Variants in DLC1 observed in about 807,000 individuals in gnomAD.
DLC1 encodes DLC1 Rho GTPase activating protein.
In DLC1, 54 loss-of-function variants were observed where a neutral mutation model predicts 140.3. That is an observed-to-expected ratio of 0.38 (90% CI 0.31 to 0.48). The LOEUF is 0.48. DLC1 is among the 20% of genes least tolerant of loss of function. DLC1 has a pLI of 0.96. For missense variants in DLC1, 2,536 were observed against 1,907.0 expected, an observed-to-expected ratio of 1.33 and a Z score of -6.14; for synonymous variants, 986 against 728.1, an observed-to-expected ratio of 1.35 and a Z score of -5.70.
intron 1 of DLC1, among the ~76,000 whole-genome samples, chr8:13,596,291 G>A (rs71522358): frequency 0.011 from 1,624 of 152,036 alleles, 9 homozygotes; most frequent in Non-Finnish European, 0.016. Flanking sequence ...GAATTAATAG[G>A]TTGGCGAGGT....
chr8:13,537,325 T>C (rs1320103314), intron 1 of DLC1, among the ~76,000 whole-genome samples: 2 of 152,216 alleles, frequency 1.3e-5, no homozygotes, highest in Non-Finnish European at 2.9e-5. Context: ...ACGTGGGACA[T>C]TGCATGTTTG....
intron 5 of DLC1, among the ~76,000 whole-genome samples, chr8:13,264,103 C>T (rs1017436120): frequency 2.5e-5 from 3 of 119,184 alleles, no homozygotes; most frequent in African/African-American, 1.0e-4. Flanking sequence ...GAGTCTTGCT[C>T]TGTCACCCAG....
intron 2 of DLC1, among the ~76,000 whole-genome samples, chr8:13,471,667 G>A (rs1266100892): frequency 6.6e-6 from 1 of 151,908 alleles, no homozygotes; most frequent in Non-Finnish European, 1.5e-5. Context: ...ACCCACGCTT[G>A]TACCCCTGAA....
intron 1 of DLC1, among the ~76,000 whole-genome samples, chr8:13,538,993 T>C (rs1377878448): frequency 1.3e-5 from 2 of 152,236 alleles, no homozygotes; most frequent in African/African-American, 4.8e-5. Context: ...CCTGTCATCA[T>C]TTTTCTATTT....
At chr8:13,170,098 G>A (rs988200328) in intron 5 of DLC1, among the ~76,000 whole-genome samples, 1 of 152,152 alleles carries the variant, frequency 6.6e-6, no homozygotes, top group African/African-American at 2.4e-5. Flanking sequence ...TGTGATTTAT[G>A]AAATAAAGCT....
intron 5 of DLC1, among the ~76,000 whole-genome samples, chr8:13,278,473 C>T (rs537611028): frequency 7.2e-5 from 11 of 152,142 alleles, no homozygotes; most frequent in African/African-American, 1.7e-4. Context: ...TGAATAAGAC[C>T]TCAACTCTGT....
At chr8:13,207,529 A>G (rs1827727175) in intron 5 of DLC1, among the ~76,000 whole-genome samples, 1 of 152,328 alleles carries the variant, frequency 6.6e-6, no homozygotes, top group African/African-American at 2.4e-5. Flanking sequence ...AAAGTTATTC[A>G]TTATAACATT....
chr8:13,153,363 C>A (rs763331072), intron 5 of DLC1, among the ~76,000 whole-genome samples: 1 of 152,216 alleles, frequency 6.6e-6, no homozygotes. Flanking sequence ...ATCTCACTGG[C>A]CTCAGGAGTG....
chr8:13,170,716 C>T lies in DLC1; in HGVS notation c.1349-55059G>A, dbSNP rs1210735664. ...CTGCACTCCAGCCTGGGCGACAGAG[C>T]AAGACTCCATCTCAAAAAAAAAAAA... On this transcript the variant is annotated intron_variant, in intron 5 of 17. Transcript: ENST00000276297. 3.4e-5 allele frequency among the ~76,000 whole-genome samples: 4 copies of T among 117,840 alleles called. No homozygotes were observed. The South Asian group carries it at 7.9e-4, about 23-fold the overall frequency. The allele number at this position is 117,840 out of a possible 152,430, so 77.3% of individuals were successfully genotyped here. A position where few individuals can be genotyped will look rare whatever the true frequency, so the allele number is the denominator to read the frequency against.
chr8:13,521,117 T>G (rs552962911), intron 1 of DLC1, among the ~76,000 whole-genome samples: 1 of 152,204 alleles, frequency 6.6e-6, no homozygotes, highest in African/African-American at 2.4e-5. Context: ...TGGATGGAGC[T>G]GGAAGCCATA....
At chr8:13,214,640 C>A in intron 5 of DLC1, 1 of 757,018 alleles carries the variant, frequency 1.3e-6, no homozygotes, top group Non-Finnish European at 2.4e-6. Context: ...GTGATGTTTT[C>A]TTCTCCAGCA....
At chr8:13,429,989 A>C (rs1838783677) in intron 2 of DLC1, among the ~76,000 whole-genome samples, 1 of 152,226 alleles carries the variant, frequency 6.6e-6, no homozygotes, top group South Asian at 2.1e-4. Flanking sequence ...CCATGACTAA[A>C]CATTAGATTC....
chr8:13,503,994 C>G (rs1801936825), intron 1 of DLC1, among the ~76,000 whole-genome samples: 1 of 152,034 alleles, frequency 6.6e-6, no homozygotes, highest in South Asian at 2.1e-4. Context: ...CTTCAGATTT[C>G]TACTATTCTA....
At chr8:13,183,192 T>G (rs962235725) in intron 5 of DLC1, among the ~76,000 whole-genome samples, 1 of 152,236 alleles carries the variant, frequency 6.6e-6, no homozygotes, top group African/African-American at 2.4e-5. Flanking sequence ...CTGAAGTTGC[T>G]TATTAGCTTA....
Position 13,401,591 on chromosome 8 carries a change from C to T in DLC1, c.1052G>A (p.Arg351Gln), listed in dbSNP as rs143724114. ...AATCAGCAGCACCATGGAGTCCAGC[C>T]GCGCCCTATCTCGATCTTCTCTTAT... The part of the protein sequence containing the change: ...KEIREDRDRA[R>Q]LDSMVLLIMK... Residue 351 changes from arginine to glutamine, a missense_variant, in exon 3 of 18, where the codon CGG becomes CAG. Coordinates refer to ENST00000276297, the MANE Select transcript of DLC1 (RefSeq NM_182643.3). The T allele has an allele frequency of 5.1e-4, 831 of 1,613,664 alleles. 3 individuals are homozygous for T. The African/African-American group carries it at 7.3e-3, about 14-fold the overall frequency.
intron 5 of DLC1, chr8:13,304,698 C>A (rs1047010153): frequency 2.1e-6 from 2 of 958,006 alleles, no homozygotes; most frequent in Admixed American, 6.2e-5. Context: ...CATAGATCTA[C>A]CAATCCATGT....
chr8:13,485,081 C>T (rs1353320894), intron 2 of DLC1, among the ~76,000 whole-genome samples: 1 of 152,112 alleles, frequency 6.6e-6, no homozygotes, highest in African/African-American at 2.4e-5. Flanking sequence ...TTATGATTCA[C>T]CTTAAGTGTG....
At chr8:13,243,123 C>G (rs1299462228) in intron 5 of DLC1, among the ~76,000 whole-genome samples, 2 of 151,828 alleles carry the variant, frequency 1.3e-5, no homozygotes, top group Non-Finnish European at 2.9e-5. Flanking sequence ...AAACCCATCT[C>G]TACTAAAAAT....
chr8:13,154,540 G>A (rs964604754), intron 5 of DLC1, among the ~76,000 whole-genome samples: 1 of 152,304 alleles, frequency 6.6e-6, no homozygotes, highest in Admixed American at 6.5e-5. Context: ...GCTGGCCCAC[G>A]AGTGCCAGTG....
Sources: gnomAD v4.1 joint callset for allele counts (sites outside exome capture counted in the v4.1 genomes callset) on GRCh38, gnomAD v4.1.1 for gene constraint, MANE v1.5 for transcripts, NCBI Gene and HGNC (gene_info 2026-07-23, HGNC 2026-07-21) for gene names.